The following APC2 variants were observed in gnomAD, a reference collection of about 807,000 sequenced individuals.
APC2 encodes adenomatous polyposis coli protein 2.
Under a neutral mutation model 72.5 loss-of-function variants are expected in APC2, and 41 were observed. The ratio of observed to expected loss-of-function variants is 0.57; its 90% CI spans 0.44 to 0.73. The LOEUF (loss-of-function observed/expected upper bound fraction) is 0.73, where lower values mean the gene tolerates loss of function less well. APC2 is among the 30% of genes least tolerant of loss of function. The pLI, the probability that APC2 is intolerant of heterozygous loss-of-function variation, is 0.00. For missense variants in APC2, 3,729 were observed against 3,403.4 expected, an observed-to-expected ratio of 1.10 and a Z score of -2.38; for synonymous variants, 1,898 against 1,612.0, an observed-to-expected ratio of 1.18 and a Z score of -4.25.
chr19:1,450,417 C>T (rs1362633829), intron 1 of APC2, 79 bp downstream of exon 1: 3 of 939,678 alleles, frequency 3.2e-6, no homozygotes, highest in Non-Finnish European at 3.8e-6. Flanking sequence ...CTCAGCATTG[C>T]CCGTCAGCAC....
At chr19:1,458,712 A>G in intron 10 of APC2, 1 of 152,058 alleles carries the variant, frequency 6.6e-6, no homozygotes, top group Non-Finnish European at 1.5e-5. Flanking sequence ...TCAAAAAGAA[A>G]AGTCTTGCTG....
rs769076672 is a variant in APC2, at chr19:1,460,767, TAA to T, written c.1444-12_1444-11del. The T allele has an allele frequency of 1.2e-5, 19 of 1,611,606 alleles. No homozygotes were observed. The highest frequency in any genetic ancestry group is 1.4e-5 in the Non-Finnish European group (17 of 1,178,990). On this transcript the variant is annotated splice_polypyrimidine_tract_variant and intron_variant, in intron 11 of 14. Coordinates refer to ENST00000590469, the MANE Select transcript of APC2 (RefSeq NM_005883.3). ...TCCCAACCCCGTGACCCCGGCTGCA[TAA>T]CCCCCAACAGGCCACCCTGTGTGCG...
chr19:1,457,048 C>G lies in APC2; in HGVS notation c.1012C>G (p.Pro338Ala). The G allele has an allele frequency of 6.5e-7, 1 of 1,529,910 alleles. No homozygotes were observed. Among genetic ancestry groups the G allele is most frequent in the Non-Finnish European group, 8.7e-7 (1 of 1,145,270 alleles). The allele number at this position is 1,529,910 out of a possible 1,614,324, so 94.8% of individuals were successfully genotyped here. A position where few individuals can be genotyped will look rare whatever the true frequency, so the allele number is the denominator to read the frequency against. ...GGGTCGCGCCGGGGCCCCAGGGGCA[C>G]CGGGCGCCAAGGACGCACGCATGCG... ...AGGRAGAPGAPGAKDARMRAN... is the reference protein window; with the variant it reads ...AGGRAGAPGAAGAKDARMRAN... Residue 338 changes from proline (P) to alanine (A), a missense_variant, in exon 9 of 15, where the codon CCG (proline) becomes GCG (alanine). Transcript: ENST00000590469.
rs1042889264 is a variant in APC2, at chr19:1,469,620, G to A, written c.6319G>A (p.Val2107Met). ...KRYASLPHIS[V>M]ARRPDGAVPA... ...CTACGCGTCGCTGCCGCACATCAGC[G>A]TGGCCCGCAGGCCCGACGGCGCCGT... The change falls in exon 15 of 15, where the codon GTG becomes ATG. Residue 2107 changes from valine to methionine, a missense_variant. Physicochemically the swap from Val to Met is conservative, Grantham distance 21. Coordinates refer to ENST00000590469, the MANE Select transcript of APC2 (RefSeq NM_005883.3). 1.1e-5 allele frequency: 14 copies of A among 1,246,496 alleles called. No homozygotes were observed. The highest frequency in any genetic ancestry group is 2.2e-5 in the South Asian group (1 of 45,694). 77.2% of individuals were successfully genotyped at this position (1,246,496 alleles called of 1,614,324 possible).
At chr19:1,461,829 G>A (rs1325378361) in intron 13 of APC2, 134 bp from the exon 14 acceptor site, 2 of 723,506 alleles carry the variant, frequency 2.8e-6, no homozygotes, top group Admixed American at 2.9e-5. Context: ...TCCAGCCTGG[G>A]GGAGAGAGTG....
In APC2 at chr19:1,467,208, G is replaced by A. The variant is rs977390758; in HGVS notation, c.3907G>A (p.Glu1303Lys). 2 of 1,422,372 alleles carry A rather than the reference G, an allele frequency of 1.4e-6. No individual in the cohort carries two copies. The highest frequency in any genetic ancestry group is 1.6e-5 in the South Asian group (1 of 60,996). 88.1% of individuals were successfully genotyped at this position (1,422,372 alleles called of 1,614,324 possible). A position where few individuals can be genotyped will look rare whatever the true frequency, so the allele number is the denominator to read the frequency against. Residue 1303 changes from glutamate to lysine, a missense_variant, in exon 15 of 15, where the codon GAG becomes AAG. Coordinates refer to ENST00000590469, the MANE Select transcript of APC2 (RefSeq NM_005883.3). The part of the protein sequence containing the change: ...ELRLLPSACP[E>K]RGGGAGGAGL... Reference sequence around the variant, plus strand: ...GCGGCTGCTGCCCTCGGCCTGCCCCGAGCGCGGCGGGGGCGCCGGGGGCGC... The same window carrying A: ...GCGGCTGCTGCCCTCGGCCTGCCCCAAGCGCGGCGGGGGCGCCGGGGGCGC...
chr19:1,456,511 C>A, intron 8 of APC2, 107 bp downstream of exon 8: 2 of 1,199,452 alleles, frequency 1.7e-6, no homozygotes, highest in Non-Finnish European at 1.1e-6. Flanking sequence ...CCATCCAGCA[C>A]CCCCTCGGGT....
chr19:1,453,480 C>A lies in APC2; in HGVS notation c.282C>A (p.Pro94=). The A allele has an allele frequency of 6.2e-7, 1 of 1,603,772 alleles. No individual in the cohort carries two copies. The part of the protein sequence containing the change: ...TSLYNLKFQP[P]TLGPEPAART... ...TGTACAACCTCAAGTTCCAGCCGCC[C>A]ACCCTGGGCCCGGAGCCTGCCGCCC... Residue 94 remains proline (P), a synonymous_variant, in exon 4 of 15, where the codon CCC becomes CCA. Transcript: ENST00000590469.
rs755699360 is a variant in APC2 at position 1,469,616 on chromosome 19, C to T, written c.6315C>T (p.Ile2105=). The T allele has an allele frequency of 4.8e-5, 60 of 1,246,384 alleles. No homozygotes were observed. Among genetic ancestry groups the T allele is most frequent in the Admixed American group, 3.8e-5 (1 of 26,632 alleles). 77.2% of individuals were successfully genotyped at this position (1,246,384 alleles called of 1,614,324 possible). ...AGCGCTACGCGTCGCTGCCGCACATCAGCGTGGCCCGCAGGCCCGACGGCG... is the reference window on the plus strand; with the variant it reads ...AGCGCTACGCGTCGCTGCCGCACATTAGCGTGGCCCGCAGGCCCGACGGCG... ...TVKRYASLPH[I]SVARRPDGAV... The change falls in exon 15 of 15, where the codon ATC becomes ATT. Residue 2105 remains isoleucine (I), a synonymous_variant. Coordinates refer to ENST00000590469, the MANE Select transcript of APC2 (RefSeq NM_005883.3).
chr19:1,470,258 C>A lies in APC2; in HGVS notation c.*45C>A. The A allele has an allele frequency of 6.6e-7, 1 of 1,517,678 alleles. No individual in the cohort carries two copies. Among genetic ancestry groups the A allele is most frequent in the Non-Finnish European group, 8.8e-7 (1 of 1,134,868 alleles). 94.0% of individuals were successfully genotyped at this position (1,517,678 alleles called of 1,614,324 possible). ...GGAACGTTCTCTCCCGGCCCTGCGG[C>A]GCGGTCTGGCTGCCCCATGGGCCTG... On this transcript the variant is annotated 3_prime_UTR_variant, in exon 15 of 15. Coordinates refer to ENST00000590469, the MANE Select transcript of APC2 (RefSeq NM_005883.3).
intron 6 of APC2, 148 bp from the exon 7 acceptor site, chr19:1,455,928 A>T (rs2145192125): frequency 6.4e-6 from 1 of 156,954 alleles, no homozygotes; most frequent in Non-Finnish European, 9.8e-6. Context: ...TGGATCAGGG[A>T]GAAGGCAGAG....
intron 13 of APC2, 100 bp from the exon 14 acceptor site, chr19:1,461,863 A>AG: frequency 1.9e-6 from 2 of 1,038,286 alleles, no homozygotes; most frequent in Non-Finnish European, 2.7e-6. Context: ...AAAAAAAAAA[A>AG]CAAAAAACAA....
intron 6 of APC2, among the ~76,000 whole-genome samples, chr19:1,455,866 A>G (rs1054155485): frequency 1.5e-5 from 2 of 132,232 alleles, no homozygotes; most frequent in African/African-American, 5.8e-5. Context: ...CGGGGTTTAG[A>G]CAGTGGGTGG....
Position 1,467,390 on chromosome 19 carries a change from G to T in APC2, c.4089G>T (p.Val1363=). ...ARLRKVASAL[V]PGRRALPVPV... ...TGCGCAAGGTGGCCTCCGCGCTGGTGCCAGGTCGCCGCGCACTCCCCGTGC... is the reference window on the plus strand; with the variant it reads ...TGCGCAAGGTGGCCTCCGCGCTGGTTCCAGGTCGCCGCGCACTCCCCGTGC... The change falls in exon 15 of 15, where the codon GTG becomes GTT. Residue 1363 remains valine, a synonymous_variant. Transcript: ENST00000590469. 1.3e-6 allele frequency: 2 copies of T among 1,487,106 alleles called. No homozygotes were observed. Among genetic ancestry groups the T allele is most frequent in the South Asian group, 1.3e-5 (1 of 78,484 alleles). 92.1% of individuals were successfully genotyped at this position (1,487,106 alleles called of 1,614,324 possible). A position where few individuals can be genotyped will look rare whatever the true frequency, so the allele number is the denominator to read the frequency against.
Position 1,466,218 on chromosome 19 carries a change from G to A in APC2, c.2917G>A (p.Gly973Ser), listed in dbSNP as rs747484897. Reference protein sequence around the residue: ...RPSRLDLDLPGCQAEPPAREA... With the variant: ...RPSRLDLDLPSCQAEPPAREA... ...CAGCCGGCTTGACCTTGACCTGCCC[G>A]GCTGCCAGGCCGAGCCCCCGGCCCG... is the stretch of plus-strand genomic sequence containing the variant. Residue 973 changes from glycine (G) to serine (S), a missense_variant, in exon 15 of 15, where the codon GGC becomes AGC. Coordinates refer to ENST00000590469, the MANE Select transcript of APC2 (RefSeq NM_005883.3). 4.1e-5 allele frequency: 63 copies of A among 1,547,930 alleles called. No homozygotes were observed. In the Middle Eastern group the frequency reaches 5.2e-4, roughly 13 times the overall value.
At position 1,466,153 on chromosome 19, in the gene APC2, C is replaced by A. The variant is rs2084009548; in HGVS notation, c.2852C>A (p.Ala951Asp). 5.1e-6 allele frequency: 8 copies of A among 1,565,802 alleles called. No homozygotes were observed. In the South Asian group the frequency reaches 6.9e-5, roughly 14 times the overall value. ...CTGCCCTGCCCGCTGGCCGCACTGG[C>A]TTCGCGCCGCGAGGACCCCAGGTGT... ...HMLPCPLAAL[A>D]SRREDPRCGQ... Residue 951 changes from alanine (A) to aspartate (D), a missense_variant, in exon 15 of 15, where the codon GCT (alanine) becomes GAT (aspartate). Physicochemically the swap from Ala to Asp is moderately radical, Grantham distance 126 (BLOSUM62 -2). Transcript: ENST00000590469.
At position 1,469,641 on chromosome 19, in the gene APC2, G is replaced by A. The variant is rs1324530302; in HGVS notation, c.6340G>A (p.Ala2114Thr). The part of the protein sequence containing the change: ...HISVARRPDG[A>T]VPAAPASADA... ...CAGCGTGGCCCGCAGGCCCGACGGC[G>A]CCGTCCCCGCGGCCCCTGCCTCAGC... The change falls in exon 15 of 15, where the codon GCC (alanine) becomes ACC (threonine). Residue 2114 changes from alanine to threonine, a missense_variant. Physicochemically the swap from Ala to Thr is moderately conservative, Grantham distance 58. Coordinates refer to ENST00000590469, the MANE Select transcript of APC2 (RefSeq NM_005883.3). 4 of 1,231,186 alleles carry A rather than the reference G, an allele frequency of 3.2e-6. No individual in the cohort carries two copies. The highest frequency in any genetic ancestry group is 4.1e-6 in the Non-Finnish European group (4 of 987,636). 76.3% of individuals were successfully genotyped at this position (1,231,186 alleles called of 1,614,324 possible). A position where few individuals can be genotyped will look rare whatever the true frequency, so the allele number is the denominator to read the frequency against.
chr19:1,465,044 C>G (rs2083983905), intron 14 of APC2, 111 bp from the exon 15 acceptor site: 1 of 1,232,090 alleles, frequency 8.1e-7, no homozygotes, highest in African/African-American at 1.5e-5. Context: ...TTTCCAAGAT[C>G]CAAACCTAAC....
In APC2 at chr19:1,466,023, C is replaced by G; in HGVS notation, c.2722C>G (p.Arg908Gly). 6.7e-7 allele frequency: 1 copy of G among 1,492,456 alleles called. No homozygotes were observed. The allele number at this position is 1,492,456 out of a possible 1,614,324, so 92.5% of individuals were successfully genotyped here. ...PEGGRREAGS[R>G]AHPLLRLKAA... ...GGGCGGGCGGCGAGAGGCAGGAAGCCGGGCGCACCCGCTGCTGCGGCTCAA... is the reference window on the plus strand; with the variant it reads ...GGGCGGGCGGCGAGAGGCAGGAAGCGGGGCGCACCCGCTGCTGCGGCTCAA... The change falls in exon 15 of 15, where the codon CGG (arginine) becomes GGG (glycine). Residue 908 changes from arginine to glycine, a missense_variant. Coordinates refer to ENST00000590469, the MANE Select transcript of APC2 (RefSeq NM_005883.3).
Sources: gnomAD v4.1 joint callset for allele counts (sites outside exome capture counted in the v4.1 genomes callset) on GRCh38, gnomAD v4.1.1 for gene constraint, MANE v1.5 for transcripts, NCBI Gene and HGNC (gene_info 2026-07-23, HGNC 2026-07-21) for gene names.